FHIT: variants seen among roughly 807,000 people sequenced by gnomAD.
FHIT encodes the protein fragile histidine triad diadenosine triphosphatase.
In FHIT, 19 loss-of-function variants were observed where a neutral mutation model predicts 17.9. The ratio of observed to expected loss-of-function variants is 1.06; its 90% CI spans 0.74 to 1.56. FHIT has a LOEUF of 1.56. Among genes scored for constraint, FHIT ranks in the 40% most tolerant of loss-of-function variants. The pLI, the probability that FHIT is intolerant of heterozygous loss-of-function variation, is 0.00. For synonymous variants in FHIT, 81 were observed against 69.7 expected, an observed-to-expected ratio of 1.16 and a Z score of -0.81; for missense variants, 248 against 189.2, an observed-to-expected ratio of 1.31 and a Z score of -1.82.
intron 5 of FHIT, among the ~76,000 whole-genome samples, chr3:60,350,353 T>C (rs1404524221): frequency 1.3e-5 from 2 of 152,180 alleles, no homozygotes. Context: ...GGGTTTCAGC[T>C]ACTAATCTCT....
At chr3:60,541,032 G>C (rs1576841667) in intron 4 of FHIT, among the ~76,000 whole-genome samples, 1 of 152,156 alleles carries the variant, frequency 6.6e-6, no homozygotes, top group East Asian at 1.9e-4. Context: ...GGCTTCCATA[G>C]CTGTCCAGGT....
At chr3:61,204,993 C>T (rs1021842356) in intron 1 of FHIT, among the ~76,000 whole-genome samples, 84 of 129,726 alleles carry the variant, frequency 6.5e-4, no homozygotes, top group African/African-American at 2.4e-3. Context: ...CACAACAATC[C>T]CCAGTGTGTG....
intron 5 of FHIT, among the ~76,000 whole-genome samples, chr3:60,295,900 G>A (rs1440059552): frequency 1.3e-5 from 2 of 152,056 alleles, no homozygotes; most frequent in Non-Finnish European, 2.9e-5. Context: ...TTGAATTGTA[G>A]CTCCCATGAT....
At chr3:60,250,333 C>T (rs1052355916) in intron 5 of FHIT, among the ~76,000 whole-genome samples, 4 of 152,114 alleles carry the variant, frequency 2.6e-5, no homozygotes, top group East Asian at 3.9e-4. Context: ...TAAAAATAGT[C>T]TGAGCAATGA....
chr3:59,814,939 A>C (rs986615373), intron 8 of FHIT, among the ~76,000 whole-genome samples: 1 of 152,236 alleles, frequency 6.6e-6, no homozygotes, highest in Non-Finnish European at 1.5e-5. Context: ...ATCCCTTAAC[A>C]GTCATGAGTA....
intron 5 of FHIT, among the ~76,000 whole-genome samples, chr3:60,427,964 C>T (rs1407417200): frequency 6.6e-6 from 1 of 152,130 alleles, no homozygotes. Context: ...TCTCCTGTTT[C>T]CATTAGAACC....
chr3:59,943,025 C>G (rs62238354), intron 7 of FHIT, among the ~76,000 whole-genome samples: 15,550 of 152,100 alleles, frequency 0.1, 890 homozygotes, highest in South Asian at 0.13. Context: ...AACCAGAATG[C>G]TGAACCCATT....
intron 5 of FHIT, among the ~76,000 whole-genome samples, chr3:60,059,852 A>G (rs1288529930): frequency 6.6e-6 from 1 of 152,194 alleles, no homozygotes; most frequent in Admixed American, 6.5e-5. Context: ...TTTTCCTTAT[A>G]AAACTTTACT....
intron 4 of FHIT, among the ~76,000 whole-genome samples, chr3:60,762,496 G>A (rs1699693347): frequency 6.6e-6 from 1 of 152,164 alleles, no homozygotes; most frequent in Non-Finnish European, 1.5e-5. Context: ...GCATAACCAT[G>A]CAGAAAGATA....
At position 60,272,548 on chromosome 3, in the gene FHIT, C is replaced by A. The variant is rs976534346; in HGVS notation, c.104-258396G>T. Among the ~76,000 whole-genome samples the A allele has an allele frequency of 2.0e-5, 3 of 152,086 alleles. No individual in the cohort carries two copies. In the East Asian group the frequency reaches 5.8e-4, roughly 29 times the overall value. On this transcript the variant is annotated intron_variant, in intron 5 of 9. Transcript: ENST00000492590. ...CAATTCCCCCGGTGTGAAAACATAT[C>A]AAATCTTGAGGTACAGAAAGGGGGA...
intron 5 of FHIT, among the ~76,000 whole-genome samples, chr3:60,103,731 T>C (rs528329005): frequency 2.0e-5 from 3 of 152,310 alleles, no homozygotes; most frequent in South Asian, 2.1e-4. Flanking sequence ...CCTCTGCAAT[T>C]ATACTTTTTC....
intron 5 of FHIT, among the ~76,000 whole-genome samples, chr3:60,314,364 T>G (rs1254879558): frequency 6.6e-6 from 1 of 152,120 alleles, no homozygotes; most frequent in Non-Finnish European, 1.5e-5. Flanking sequence ...AATCTGACAG[T>G]TAACTGTAGG....
intron 5 of FHIT, among the ~76,000 whole-genome samples, chr3:60,449,118 C>T (rs1193289885): frequency 6.6e-6 from 1 of 152,140 alleles, no homozygotes; most frequent in East Asian, 1.9e-4. Context: ...TGTTAACTAC[C>T]TATTACTGTT....
chr3:60,928,848 C>G (rs1298544143), intron 3 of FHIT, among the ~76,000 whole-genome samples: 20 of 152,170 alleles, frequency 1.3e-4, no homozygotes, highest in Admixed American at 1.3e-3. Flanking sequence ...AGAGGGAATC[C>G]TCCCTAACTC....
intron 4 of FHIT, among the ~76,000 whole-genome samples, chr3:60,803,721 C>A (rs1559735459): frequency 6.6e-6 from 1 of 152,068 alleles, no homozygotes; most frequent in Non-Finnish European, 1.5e-5. Context: ...CTGGTGTCAC[C>A]TTGTTTTGCA....
intron 8 of FHIT, among the ~76,000 whole-genome samples, chr3:59,826,442 T>G (rs979169666): frequency 6.6e-6 from 1 of 152,276 alleles, no homozygotes; most frequent in South Asian, 2.1e-4. Flanking sequence ...ACTTATTTAC[T>G]ATGTTTACAG....
chr3:60,404,504 C>T lies in FHIT; in HGVS notation c.103+132356G>A, dbSNP rs995164296. On this transcript the variant is annotated intron_variant, in intron 5 of 9. Transcript: ENST00000492590. ...AAAATAAGGTTTGAAGTCACTTCCT[C>T]TAGGTAGGCTTCCATAAACCTAGTC... 2.0e-5 allele frequency among the ~76,000 whole-genome samples: 3 copies of T among 152,138 alleles called. No homozygotes were observed. The East Asian group carries it at 5.8e-4, about 29-fold the overall frequency.
intron 5 of FHIT, among the ~76,000 whole-genome samples, chr3:60,420,978 C>T (rs1479527635): frequency 6.6e-6 from 1 of 152,008 alleles, no homozygotes; most frequent in African/African-American, 2.4e-5. Context: ...TTTATCTCCT[C>T]CTCACCAGTT....
intron 5 of FHIT, among the ~76,000 whole-genome samples, chr3:60,302,425 C>T (rs1400635963): frequency 6.6e-6 from 1 of 151,938 alleles, no homozygotes; most frequent in African/African-American, 2.4e-5. Flanking sequence ...ACATTTATCC[C>T]GAAAAAGACA....
Sources: allele counts gnomAD v4.1 joint callset (sites outside exome capture counted in the v4.1 genomes callset), GRCh38; gene constraint gnomAD v4.1.1; transcripts MANE v1.5; gene names NCBI Gene and HGNC (gene_info 2026-07-23, HGNC 2026-07-21).